The following PMM2 variants were observed in gnomAD, a reference collection of about 807,000 sequenced individuals.
The protein encoded by PMM2 is phosphomannomutase 2, also known as mannose-6-phosphate isomerase.
Under a neutral mutation model 33.2 loss-of-function variants are expected in PMM2, and 35 were observed. The ratio of observed to expected loss-of-function variants is 1.06; its 90% CI spans 0.81 to 1.40. The LOEUF (loss-of-function observed/expected upper bound fraction) is 1.40, where lower values mean the gene tolerates loss of function less well. Ranked by LOEUF, PMM2 falls within the 40% of genes most tolerant of loss-of-function variation. The pLI is 0.00. For missense variants in PMM2, 386 were observed against 306.0 expected (o/e 1.26, Z -1.95); for synonymous variants, 153 against 114.7 (o/e 1.33, Z -2.13).
intron 1 of PMM2, among the ~76,000 whole-genome samples, chr16:8,801,306 T>TGGGGG (rs2060614986): frequency 6.6e-6 from 1 of 152,248 alleles, no homozygotes; most frequent in Admixed American, 6.5e-5. Flanking sequence ...AAGTTTATTC[T>TGGGGG]GGTAAAGATG....
In PMM2 at chr16:8,847,705, G is replaced by A. The variant is rs928264071; in HGVS notation, c.640-19G>A. On this transcript the variant is annotated intron_variant, in intron 7 of 7. Transcript: ENST00000268261. ...GACAGACGAGGGGGAGCCTTCATCT[G>A]TACTTCGTGTCTTTCCAGGGTGGCA... 6 of 1,584,968 alleles carry A rather than the reference G, an allele frequency of 3.8e-6. No individual in the cohort carries two copies. Among genetic ancestry groups the A allele is most frequent in the Non-Finnish European group, 5.2e-6 (6 of 1,153,578 alleles).
At chr16:8,837,059 CGAG>C (rs1206994913) in intron 7 of PMM2, among the ~76,000 whole-genome samples, 3 of 151,528 alleles carry the variant, frequency 2.0e-5, no homozygotes, top group African/African-American at 7.3e-5. Context: ...CTCAGCCTGG[CGAG>C]GAGGAGAGGT....
intron 6 of PMM2, among the ~76,000 whole-genome samples, chr16:8,812,629 C>G (rs989302839): frequency 7.9e-5 from 12 of 152,206 alleles, no homozygotes; most frequent in Non-Finnish European, 1.5e-4. Context: ...GGGCATTTCC[C>G]CCTGAGGGTG....
chr16:8,806,678 C>G (rs977460158), intron 4 of PMM2: 1 of 504,326 alleles, frequency 2.0e-6, no homozygotes. Flanking sequence ...ATCCGAATCC[C>G]AGCACTTAGT....
intron 7 of PMM2, among the ~76,000 whole-genome samples, chr16:8,814,966 A>G (rs938753643): frequency 6.6e-6 from 1 of 152,148 alleles, no homozygotes; most frequent in Non-Finnish European, 1.5e-5. Context: ...CATTACACCC[A>G]TTGAACAACA....
chr16:8,836,482 T>G (rs1165146938), intron 7 of PMM2, among the ~76,000 whole-genome samples: 1 of 152,012 alleles, frequency 6.6e-6, no homozygotes, highest in East Asian at 1.9e-4. Flanking sequence ...TGTAGCAAGC[T>G]CCTGGGGGAG....
chr16:8,798,404 T>C (rs2060591910), intron 1 of PMM2, among the ~76,000 whole-genome samples: 1 of 152,204 alleles, frequency 6.6e-6, no homozygotes, highest in Non-Finnish European at 1.5e-5. Flanking sequence ...CTGTGTGACC[T>C]TCAGCGAGTC....
At chr16:8,811,481 C>G (rs1251306370) in intron 5 of PMM2, among the ~76,000 whole-genome samples, 157 bp from the exon 6 acceptor site, 1 of 152,184 alleles carries the variant, frequency 6.6e-6, no homozygotes, top group African/African-American at 2.4e-5. Context: ...GATCATGCCA[C>G]TGCGCTCCAG....
intron 5 of PMM2, among the ~76,000 whole-genome samples, 168 bp from the exon 6 acceptor site, chr16:8,811,470 T>C (rs1267814462): frequency 6.6e-6 from 1 of 152,190 alleles, no homozygotes; most frequent in African/African-American, 2.4e-5. Flanking sequence ...CTGTGAGCTA[T>C]GATCATGCCA....
chr16:8,838,342 A>T (rs571122427), intron 7 of PMM2, among the ~76,000 whole-genome samples: 210 of 152,126 alleles, frequency 1.4e-3, no homozygotes, highest in African/African-American at 4.8e-3. Flanking sequence ...GGCCATCTGG[A>T]TGTATACGTG....
chr16:8,834,284 G>C (rs1417253490), intron 7 of PMM2, among the ~76,000 whole-genome samples: 1 of 152,140 alleles, frequency 6.6e-6, no homozygotes, highest in South Asian at 2.1e-4. Context: ...AGGACTGTAA[G>C]GGATATGAAG....
chr16:8,845,795 CT>C (rs5815503), intron 7 of PMM2, among the ~76,000 whole-genome samples: 48,999 of 139,866 alleles, frequency 0.35, 8,168 homozygotes, highest in African/African-American at 0.39. Flanking sequence ...TGAAAGAAAT[CT>C]TTTTTTTTTT....
At chr16:8,802,595 G>A (rs148759335) in intron 2 of PMM2, among the ~76,000 whole-genome samples, 4 of 152,256 alleles carry the variant, frequency 2.6e-5, no homozygotes, top group Non-Finnish European at 5.9e-5. Context: ...TGGGGAGGCC[G>A]AGGCGGATGG....
Position 8,812,985 on chromosome 16 carries a change from CG to C in PMM2, c.524-4del, listed in dbSNP as rs1315129289. The stretch of plus-strand genomic sequence containing the variant: ...TGCCTTTGTGTGCCCCGTCCCCACC[CG>C]GCAGGAGGCCAGATCAGCTTTGATG... On this transcript the variant is annotated splice_region_variant and splice_polypyrimidine_tract_variant and intron_variant, in intron 6 of 7. Coordinates refer to ENST00000268261, the MANE Select transcript of PMM2 (RefSeq NM_000303.3). 1 of 1,564,380 alleles carries C rather than the reference CG, an allele frequency of 6.4e-7. No homozygotes were observed. The highest frequency in any genetic ancestry group is 1.4e-5 in the African/African-American group (1 of 73,972).
chr16:8,804,869 T>C (rs746853256), intron 3 of PMM2, 26 bp downstream of exon 3: 1 of 1,390,712 alleles, frequency 7.2e-7, no homozygotes, highest in South Asian at 1.2e-5. Context: ...TCTGAATTAC[T>C]ATATACTATT....
intron 7 of PMM2, among the ~76,000 whole-genome samples, chr16:8,826,204 C>G (rs980119552): frequency 6.6e-6 from 1 of 151,922 alleles, no homozygotes; most frequent in African/African-American, 2.4e-5. Flanking sequence ...TAATTTTTCA[C>G]AAACCTACAA....
intron 6 of PMM2, among the ~76,000 whole-genome samples, chr16:8,812,373 C>G (rs547926987): frequency 5.2e-4 from 79 of 151,890 alleles, no homozygotes; most frequent in Non-Finnish European, 6.2e-4. Context: ...GCTAATGAGT[C>G]ATTGCTCAAA....
At position 8,848,793 on chromosome 16, in the gene PMM2, CTCACCCAGGCCT is replaced by C. The variant is rs904382489; in HGVS notation, c.*977_*988del. ...AAGAGGAGCTGCTCTCCTATCTGCA[CTCACCCAGGCCT>C]TCACCCAGACTTTACCACGGAGGCG... On this transcript the variant is annotated 3_prime_UTR_variant, in exon 8 of 8. Transcript: ENST00000268261. 3.9e-5 allele frequency: 6 copies of C among 152,254 alleles called. No individual in the cohort carries two copies. Among genetic ancestry groups the C allele is most frequent in the African/African-American group, 1.4e-4 (6 of 41,460 alleles). 9.4% of individuals were successfully genotyped at this position (152,254 alleles called of 1,614,324 possible).
At chr16:8,844,140 C>A (rs959121095) in intron 7 of PMM2, among the ~76,000 whole-genome samples, 1 of 152,040 alleles carries the variant, frequency 6.6e-6, no homozygotes, top group African/African-American at 2.4e-5. Flanking sequence ...GAACTACTGT[C>A]GAGTTTGTAT....
Sources: allele counts gnomAD v4.1 joint callset (sites outside exome capture counted in the v4.1 genomes callset), GRCh38; gene constraint gnomAD v4.1.1; transcripts MANE v1.5; gene names NCBI Gene and HGNC (gene_info 2026-07-23, HGNC 2026-07-21).